The following SLIT3 variants were observed in gnomAD, a reference collection of about 807,000 sequenced individuals.
The protein encoded by SLIT3 is slit homolog 3 protein.
Under a neutral mutation model 184.0 loss-of-function variants are expected in SLIT3, and 68 were observed. The ratio of observed to expected loss-of-function variants is 0.37; its 90% CI spans 0.30 to 0.45. The LOEUF is 0.45. Ranked by LOEUF, SLIT3 falls within the 20% of genes least tolerant of loss-of-function variation. The pLI is 1.00. For synonymous variants in SLIT3, 831 were observed against 828.6 expected (o/e 1.00, Z -0.05); for missense variants, 1,707 against 2,026.0 (o/e 0.84, Z 3.02).
At chr5:168,774,835 A>T (rs1755688085) in intron 12 of SLIT3, among the ~76,000 whole-genome samples, 1 of 152,206 alleles carries the variant, frequency 6.6e-6, no homozygotes, top group East Asian at 1.9e-4. Flanking sequence ...TGGAAATCTG[A>T]TGAAAGTTAT....
chr5:169,179,336 AT>A (rs1353199977), intron 4 of SLIT3, among the ~76,000 whole-genome samples: 1 of 61,736 alleles, frequency 1.6e-5, no homozygotes, highest in Non-Finnish European at 3.7e-5. Flanking sequence ...TCCACAGGTT[AT>A]TTTTGTAAAG....
chr5:169,093,175 G>GT (rs1339604673), intron 4 of SLIT3, among the ~76,000 whole-genome samples: 1 of 152,166 alleles, frequency 6.6e-6, no homozygotes, highest in African/African-American at 2.4e-5. Flanking sequence ...ATCTGGTGAG[G>GT]TAAGTATTAT....
At chr5:168,741,658 G>A (rs1335232345) in intron 20 of SLIT3, among the ~76,000 whole-genome samples, 2 of 152,044 alleles carry the variant, frequency 1.3e-5, no homozygotes, top group African/African-American at 2.4e-5. Context: ...TACAACACAA[G>A]GCGATACCTG....
chr5:169,024,395 T>C (rs1389196215), intron 4 of SLIT3: 1 of 152,192 alleles, frequency 6.6e-6, no homozygotes, highest in Non-Finnish European at 1.5e-5. Context: ...AGACAGACAT[T>C]CTCTAACTTC....
chr5:168,969,436 T>A (rs1754479151), intron 4 of SLIT3, among the ~76,000 whole-genome samples: 1 of 152,242 alleles, frequency 6.6e-6, no homozygotes, highest in Non-Finnish European at 1.5e-5. Flanking sequence ...ACCTGTGCAA[T>A]CCTTGGCCAC....
chr5:169,203,210 T>C (rs1763958120), intron 3 of SLIT3, among the ~76,000 whole-genome samples: 1 of 152,156 alleles, frequency 6.6e-6, no homozygotes. Flanking sequence ...TTGCTTTATC[T>C]AGGACTAAAG....
intron 3 of SLIT3, among the ~76,000 whole-genome samples, chr5:169,211,816 G>C (rs1373419263): frequency 2.6e-5 from 4 of 152,114 alleles, no homozygotes; most frequent in Non-Finnish European, 5.9e-5. Flanking sequence ...CGGCCCGTGT[G>C]TGATGTTCCC....
At chr5:168,715,522 G>A (rs942119361) in intron 23 of SLIT3, among the ~76,000 whole-genome samples, 1 of 152,184 alleles carries the variant, frequency 6.6e-6, no homozygotes, top group Non-Finnish European at 1.5e-5. Context: ...AACGATGAGG[G>A]CAGAAGCAGT....
chr5:168,833,605 C>T (rs966819682), intron 6 of SLIT3, among the ~76,000 whole-genome samples: 8 of 152,348 alleles, frequency 5.3e-5, no homozygotes, highest in East Asian at 1.9e-4. Flanking sequence ...GAATGCAAAA[C>T]GTTCCCTCTA....
chr5:168,897,105 C>T (rs1423295752), intron 4 of SLIT3, among the ~76,000 whole-genome samples: 1 of 137,626 alleles, frequency 7.3e-6, no homozygotes, highest in African/African-American at 2.6e-5. Flanking sequence ...GCTTACATTT[C>T]AATGAAGCAT....
intron 3 of SLIT3, among the ~76,000 whole-genome samples, chr5:169,220,351 T>C (rs1299668530): frequency 6.6e-6 from 1 of 152,158 alleles, no homozygotes; most frequent in Non-Finnish European, 1.5e-5. Flanking sequence ...TTTTAGGTTT[T>C]AAAAAAATCA....
At chr5:169,166,984 T>C (rs1180157532) in intron 4 of SLIT3, among the ~76,000 whole-genome samples, 1 of 152,044 alleles carries the variant, frequency 6.6e-6, no homozygotes, top group Non-Finnish European at 1.5e-5. Context: ...CTGAGCAAAC[T>C]AACGAGACCC....
chr5:168,738,302 G>A (rs542046195), intron 20 of SLIT3, among the ~76,000 whole-genome samples: 2 of 152,334 alleles, frequency 1.3e-5, no homozygotes, highest in East Asian at 1.9e-4. Flanking sequence ...GAAACTGGTG[G>A]TCACTGTATT....
At chr5:168,932,250 G>T (rs1581221937) in intron 4 of SLIT3, among the ~76,000 whole-genome samples, 2 of 93,742 alleles carry the variant, frequency 2.1e-5, no homozygotes, top group Non-Finnish European at 3.9e-5. Context: ...TTTTTTTGTT[G>T]TTGTTGTGTT....
chr5:168,898,297 CT>C (rs1164709726), intron 4 of SLIT3, among the ~76,000 whole-genome samples: 1 of 152,006 alleles, frequency 6.6e-6, no homozygotes, highest in Non-Finnish European at 1.5e-5. Context: ...AGCAGCGCCA[CT>C]TAGAGGAGTG....
chr5:169,195,900 A>C (rs1763726040), intron 3 of SLIT3, among the ~76,000 whole-genome samples: 1 of 152,204 alleles, frequency 6.6e-6, no homozygotes, highest in African/African-American at 2.4e-5. Context: ...CATGAGATTT[A>C]TCTTCTTAGC....
intron 4 of SLIT3, among the ~76,000 whole-genome samples, chr5:169,155,934 T>G (rs138970194): frequency 6.6e-6 from 1 of 152,320 alleles, no homozygotes; most frequent in Non-Finnish European, 1.5e-5. Flanking sequence ...CAGAGAGCAG[T>G]GCTCCATAAC....
chr5:169,269,300 C>A (rs893411877), intron 1 of SLIT3, among the ~76,000 whole-genome samples: 4 of 152,242 alleles, frequency 2.6e-5, no homozygotes, highest in African/African-American at 9.6e-5. Flanking sequence ...GTTGACTCCA[C>A]GCAACCGGCC....
chr5:168,981,377 T>C (rs1754941765), intron 4 of SLIT3, among the ~76,000 whole-genome samples: 1 of 152,074 alleles, frequency 6.6e-6, no homozygotes. Context: ...AGATGACAGA[T>C]TCCCGGGATT....
Sources: gnomAD v4.1 joint callset for allele counts (sites outside exome capture counted in the v4.1 genomes callset) on GRCh38, gnomAD v4.1.1 for gene constraint, MANE v1.5 for transcripts, NCBI Gene and HGNC (gene_info 2026-07-23, HGNC 2026-07-21) for gene names.